Variants in TBC1D22A observed in about 807,000 individuals in gnomAD.
TBC1D22A encodes putative GTPase activator.
A neutral mutation model predicts 60.2 loss-of-function variants in TBC1D22A; 38 were observed. The observed-to-expected ratio is 0.63, with a 90% CI of 0.49 to 0.83. The LOEUF is 0.83. TBC1D22A is among the 40% of genes least tolerant of loss of function. The pLI is 0.00. For missense variants in TBC1D22A, 628 were observed against 701.0 expected, an observed-to-expected ratio of 0.90 and a Z score of 1.18; for synonymous variants, 302 against 281.7, an observed-to-expected ratio of 1.07 and a Z score of -0.72.
chr22:46,884,489 G>A (rs981103403), intron 5 of TBC1D22A, among the ~76,000 whole-genome samples: 11 of 152,294 alleles, frequency 7.2e-5, no homozygotes, highest in South Asian at 2.1e-4. Context: ...TCCCACAGCC[G>A]GGGAGGTGGA....
intron 8 of TBC1D22A, among the ~76,000 whole-genome samples, chr22:46,936,298 C>T (rs1021987605): frequency 2.0e-5 from 3 of 151,886 alleles, no homozygotes; most frequent in Non-Finnish European, 4.4e-5. Context: ...TGCACGCCCT[C>T]TTCCTGGGGC....
chr22:46,897,650 G>GTTTTTTTTTTTTTTTTTTTTTTTTT (rs1569189591), intron 7 of TBC1D22A, among the ~76,000 whole-genome samples: 1 of 92,648 alleles, frequency 1.1e-5, no homozygotes, highest in African/African-American at 4.7e-5. Context: ...GTTTTTTTTT[G>GTTTTTTTTTTTTTTTTTTTTTTTTT]TGTTTTTTTT....
At chr22:47,067,937 C>G (rs1228927379) in intron 11 of TBC1D22A, among the ~76,000 whole-genome samples, 1 of 152,246 alleles carries the variant, frequency 6.6e-6, no homozygotes, top group Non-Finnish European at 1.5e-5. Flanking sequence ...CATTCGGACT[C>G]CATGTGTTCT....
chr22:46,984,405 A>AAAAAG (rs1569304186), intron 9 of TBC1D22A, among the ~76,000 whole-genome samples: 6 of 135,310 alleles, frequency 4.4e-5, no homozygotes, highest in Non-Finnish European at 6.3e-5. Flanking sequence ...AAAAAAAAAA[A>AAAAAG]AGAGAAGTTC....
At chr22:46,938,445 C>T (rs2071787482) in intron 8 of TBC1D22A, among the ~76,000 whole-genome samples, 2 of 152,132 alleles carry the variant, frequency 1.3e-5, no homozygotes, top group African/African-American at 4.8e-5. Flanking sequence ...ACGAGTGATG[C>T]ATTTCTCAGA....
chr22:47,059,352 C>T (rs145782537), intron 11 of TBC1D22A, among the ~76,000 whole-genome samples: 46 of 152,326 alleles, frequency 3.0e-4, no homozygotes, highest in African/African-American at 1.0e-3. Context: ...GACAGGAGGG[C>T]GTTGCACTGG....
intron 11 of TBC1D22A, among the ~76,000 whole-genome samples, chr22:47,057,694 C>T (rs1460584735): frequency 1.3e-5 from 2 of 152,140 alleles, no homozygotes; most frequent in East Asian, 1.9e-4. Context: ...TTTATAAAAC[C>T]GTCAGATCTC....
intron 11 of TBC1D22A, among the ~76,000 whole-genome samples, chr22:47,057,675 G>T (rs1383072094): frequency 6.6e-6 from 1 of 152,156 alleles, no homozygotes; most frequent in Non-Finnish European, 1.5e-5. Flanking sequence ...CGTGTGCAGG[G>T]AGCCGCCCTT....
At chr22:46,792,702 GC>G in intron 2 of TBC1D22A, 126 bp downstream of exon 2, 1 of 1,592,920 alleles carries the variant, frequency 6.3e-7, no homozygotes, top group Non-Finnish European at 8.6e-7. Flanking sequence ...TTCTCATTCA[GC>G]CACACTGATC....
Position 46,884,132 on chromosome 22 carries a change from A to G in TBC1D22A, c.708+5409A>G, listed in dbSNP as rs1338013044. On this transcript the variant is annotated intron_variant, in intron 5 of 12. Transcript: ENST00000337137. ...ACATTTTGGTGGGAGAAGACAAACA[A>G]TACACCGAGAAGTAGATTTGATGTG... Among the ~76,000 whole-genome samples the G allele has an allele frequency of 5.9e-5, 9 of 152,104 alleles. No homozygotes were observed. The East Asian group carries it at 1.6e-3, about 26-fold the overall frequency.
At chr22:46,864,184 G>C (rs1169968017) in intron 4 of TBC1D22A, among the ~76,000 whole-genome samples, 2 of 152,230 alleles carry the variant, frequency 1.3e-5, no homozygotes, top group Non-Finnish European at 2.9e-5. Context: ...GTTAAAGCTA[G>C]AGAAGTTATT....
intron 12 of TBC1D22A, among the ~76,000 whole-genome samples, chr22:47,169,736 G>A (rs984200891): frequency 1.3e-5 from 2 of 152,244 alleles, no homozygotes; most frequent in African/African-American, 4.8e-5. Flanking sequence ...TTGCAGACCT[G>A]ACGCGACCTT....
intron 11 of TBC1D22A, among the ~76,000 whole-genome samples, chr22:47,054,633 G>A (rs533368678): frequency 2.3e-4 from 35 of 152,248 alleles, no homozygotes; most frequent in South Asian, 2.1e-4. Context: ...TCGAATCCTG[G>A]GCACTCATTT....
chr22:46,979,729 G>A (rs569224200), intron 9 of TBC1D22A, among the ~76,000 whole-genome samples: 2 of 152,342 alleles, frequency 1.3e-5, no homozygotes, highest in South Asian at 4.1e-4. Context: ...TGCCCTGCCT[G>A]CTGCCAGCAT....
intron 4 of TBC1D22A, among the ~76,000 whole-genome samples, chr22:46,875,566 C>G (rs2067519366): frequency 6.6e-6 from 1 of 151,938 alleles, no homozygotes; most frequent in African/African-American, 2.4e-5. Flanking sequence ...ATTCTCCTGT[C>G]TTAGCCTCCC....
chr22:46,820,802 T>C (rs1602008025), intron 4 of TBC1D22A, among the ~76,000 whole-genome samples: 1 of 152,226 alleles, frequency 6.6e-6, no homozygotes, highest in Non-Finnish European at 1.5e-5. Context: ...TTCTGTCTTG[T>C]TGATCTAATA....
intron 8 of TBC1D22A, among the ~76,000 whole-genome samples, chr22:46,956,912 C>T (rs1025405720): frequency 6.6e-6 from 1 of 152,188 alleles, no homozygotes; most frequent in Non-Finnish European, 1.5e-5. Context: ...GGGCCAGATC[C>T]GGCCTGAACT....
At chr22:47,172,770 C>T (rs145481894) in intron 12 of TBC1D22A, among the ~76,000 whole-genome samples, 39 of 152,322 alleles carry the variant, frequency 2.6e-4, no homozygotes, top group African/African-American at 8.2e-4. Context: ...TTCCAGGGCA[C>T]CAGGTTGGAC....
In TBC1D22A at chr22:46,776,351, G is replaced by A. The variant is rs560379161; in HGVS notation, c.62+13503G>A. ...GGAAGTAGTGGGCACAGCTGTGGCT[G>A]TATGGTGGGATGGTGTGCGTGGAAG... is the stretch of plus-strand genomic sequence containing the variant. On this transcript the variant is annotated intron_variant, in intron 1 of 12. Transcript: ENST00000337137. Among the ~76,000 whole-genome samples the A allele has an allele frequency of 4.0e-3, 613 of 152,168 alleles. 7 individuals carry two copies. The highest frequency in any genetic ancestry group is 0.014 in the African/African-American group (575 of 41,524).
Sources: gnomAD v4.1 joint callset for allele counts (sites outside exome capture counted in the v4.1 genomes callset) on GRCh38, gnomAD v4.1.1 for gene constraint, MANE v1.5 for transcripts, NCBI Gene and HGNC (gene_info 2026-07-23, HGNC 2026-07-21) for gene names.